Variants in SH3TC1 observed in about 807,000 individuals in gnomAD.
SH3TC1 encodes SH3 domain and tetratricopeptide repeats 1.
Under a neutral mutation model 117.3 loss-of-function variants are expected in SH3TC1, and 135 were observed. The ratio of observed to expected loss-of-function variants is 1.15; its 90% CI spans 1.00 to 1.33. The LOEUF is 1.33. Ranked by LOEUF, SH3TC1 falls within the 40% of genes most tolerant of loss-of-function variation. The pLI, the probability that SH3TC1 is intolerant of heterozygous loss-of-function variation, is 0.00. For missense variants in SH3TC1, 2,092 were observed against 1,794.3 expected (o/e 1.17, Z -3.00); for synonymous variants, 898 against 816.9 (o/e 1.10, Z -1.69).
At position 8,183,436 on chromosome 4, in the gene SH3TC1, C is replaced by T. The variant is rs1043888872; in HGVS notation, c.-57+1226C>T. 2.0e-5 allele frequency among the ~76,000 whole-genome samples: 3 copies of T among 152,162 alleles called. No individual in the cohort carries two copies. The highest frequency in any genetic ancestry group is 2.4e-5 in the African/African-American group (1 of 41,446). On this transcript the variant is annotated intron_variant, in intron 1 of 16. Transcript: ENST00000508641. The surrounding 1 kb of genome is among the most constrained non-coding windows in gnomAD (Gnocchi z 5.4). ...TCACTCCCTGTACAGTAGAGGGAGGCGTGGCCCAGGGAGGCTCCCGGGCTG... is the reference window on the plus strand; with the variant it reads ...TCACTCCCTGTACAGTAGAGGGAGGTGTGGCCCAGGGAGGCTCCCGGGCTG...
chr4:8,222,339 C>T (rs1719995061), intron 9 of SH3TC1, among the ~76,000 whole-genome samples: 1 of 145,006 alleles, frequency 6.9e-6, no homozygotes, highest in Non-Finnish European at 1.5e-5. Context: ...CCAGACAAGG[C>T]ACCCCTTGAG....
At chr4:8,226,862 T>A in intron 11 of SH3TC1, 118 bp from the exon 12 acceptor site, 1 of 631,924 alleles carries the variant, frequency 1.6e-6, no homozygotes, top group Non-Finnish European at 2.5e-6. Context: ...TAGGGTGGTA[T>A]CGTCTGGAAA....
At chr4:8,214,133 G>A (rs940976922) in intron 4 of SH3TC1, among the ~76,000 whole-genome samples, 2 of 152,238 alleles carry the variant, frequency 1.3e-5, no homozygotes, top group East Asian at 1.9e-4. Context: ...GAGCACAGCC[G>A]AACAGGGACC....
intron 10 of SH3TC1, among the ~76,000 whole-genome samples, chr4:8,224,012 ACT>A (rs111419529): frequency 1.3e-5 from 2 of 149,600 alleles, no homozygotes; most frequent in African/African-American, 5.0e-5. Context: ...GTAAATACAC[ACT>A]GTGTGCATGC....
rs1578741857 is a variant in SH3TC1, at chr4:8,232,972, A to T, written c.3132-391A>T. The T allele has an allele frequency of 2.5e-6, 3 of 1,195,172 alleles. No homozygotes were observed. The African/African-American group carries it at 4.8e-5, about 19-fold the overall frequency. The allele number at this position is 1,195,172 out of a possible 1,614,324, so 74.0% of individuals were successfully genotyped here. A position where few individuals can be genotyped will look rare whatever the true frequency, so the allele number is the denominator to read the frequency against. On this transcript the variant is annotated intron_variant, in intron 13 of 17. Transcript: ENST00000245105. ...GAGCCAGAAGCTCTGGGGGCAGGCCAGCAAGCTATATGGACAGGCCTCTGG... is the reference window on the plus strand; with the variant it reads ...GAGCCAGAAGCTCTGGGGGCAGGCCTGCAAGCTATATGGACAGGCCTCTGG...
chr4:8,189,271 C>T (rs776867432), intron 1 of SH3TC1, among the ~76,000 whole-genome samples: 22 of 152,342 alleles, frequency 1.4e-4, no homozygotes, highest in Non-Finnish European at 2.8e-4. Flanking sequence ...CCGCCAGTCT[C>T]CTCGCTGGAG....
intron 9 of SH3TC1, among the ~76,000 whole-genome samples, chr4:8,220,347 G>T (rs1488944894): frequency 6.6e-6 from 1 of 151,850 alleles, no homozygotes; most frequent in Non-Finnish European, 1.5e-5. Context: ...CCTGAACCCC[G>T]TGTTCTCCTG....
In SH3TC1 at chr4:8,240,842, T is replaced by C; in HGVS notation, c.3898T>C (p.Phe1300Leu). Residue 1300 changes from phenylalanine to leucine, a missense_variant, in exon 18 of 18, where the codon TTC becomes CTC. Physicochemically the swap from Phe to Leu is conservative, Grantham distance 22. Transcript: ENST00000245105. ...FLLDREKSLF[F>L]YQKARTFATE... ...CCTGGACCGTGAGAAGTCGCTCTTC[T>C]TCTACCAGAAGGCCAGGACCTTCGC... is the stretch of plus-strand genomic sequence containing the variant. The C allele has an allele frequency of 6.2e-7, 1 of 1,614,036 alleles. No individual in the cohort carries two copies. The highest frequency in any genetic ancestry group is 2.2e-5 in the East Asian group (1 of 44,880).
chr4:8,229,582 G>A (rs1314673206), intron 12 of SH3TC1, among the ~76,000 whole-genome samples: 2 of 151,790 alleles, frequency 1.3e-5, no homozygotes, highest in South Asian at 2.1e-4. Flanking sequence ...TGCAGAGTTG[G>A]GCGTGGGTTG....
intron 17 of SH3TC1, among the ~76,000 whole-genome samples, chr4:8,240,089 G>A (rs1443443702): frequency 6.6e-6 from 1 of 152,178 alleles, no homozygotes. Flanking sequence ...GGAGGTGCCT[G>A]GGGAGAAGCT....
chr4:8,189,243 G>A (rs922188265), intron 1 of SH3TC1, among the ~76,000 whole-genome samples: 5 of 152,380 alleles, frequency 3.3e-5, no homozygotes, highest in Admixed American at 3.3e-4. Flanking sequence ...TGGGCACGTG[G>A]CCCACAGAGA....
chr4:8,209,922 C>A lies in SH3TC1; in HGVS notation c.247+100C>A. 8.6e-7 allele frequency: 1 copy of A among 1,167,008 alleles called. No homozygotes were observed. Among genetic ancestry groups the A allele is most frequent in the Non-Finnish European group, 1.2e-6 (1 of 819,294 alleles). The allele number at this position is 1,167,008 out of a possible 1,614,324, so 72.3% of individuals were successfully genotyped here. A position where few individuals can be genotyped will look rare whatever the true frequency, so the allele number is the denominator to read the frequency against. Reference sequence around the variant, plus strand: ...CAACCCAGGGCTTCTCAAAGTGTGGCCTCAGACTTCCCACCTTAAAATCAT... The same window carrying A: ...CAACCCAGGGCTTCTCAAAGTGTGGACTCAGACTTCCCACCTTAAAATCAT... On this transcript the variant is annotated intron_variant, in intron 3 of 17. Coordinates refer to ENST00000245105, the MANE Select transcript of SH3TC1 (RefSeq NM_018986.5). The surrounding 1 kb of genome is among the most constrained non-coding windows in gnomAD (Gnocchi z 5.9).
chr4:8,240,921 GGGCCCCCTGGTT>G lies in SH3TC1; in HGVS notation c.3985_3996del (p.Trp1329_Pro1332del), dbSNP rs1722283155. 6.2e-7 allele frequency: 1 copy of G among 1,612,170 alleles called. No homozygotes were observed. The highest frequency in any genetic ancestry group is 1.7e-5 in the Admixed American group (1 of 59,992). Reference sequence around the variant, plus strand: ...CTGCCTCCTCTGCCACTCTGCGGGTGGGCCCCCTGGTTGGCCCCCAGCCACCCTCGCTGAGGA... The same window carrying G: ...CTGCCTCCTCTGCCACTCTGCGGGTGGGCCCCCAGCCACCCTCGCTGAGGA... On this transcript the variant is annotated inframe_deletion, in exon 18 of 18. Transcript: ENST00000245105.
Position 8,216,991 on chromosome 4 carries a change from G to A in SH3TC1, c.663G>A (p.Val221=). 1 of 1,614,026 alleles carries A rather than the reference G, an allele frequency of 6.2e-7. No individual in the cohort carries two copies. Among genetic ancestry groups the A allele is most frequent in the South Asian group, 1.1e-5 (1 of 91,072 alleles). The change falls in exon 7 of 18, where the codon GTG becomes GTA. Residue 221 remains valine (V), a synonymous_variant. Transcript: ENST00000245105. The part of the protein sequence containing the change: ...PFFVLCPDHH[V]RVMTGPRDAG... ...TTGTCCTGTGTCCTGACCACCATGTGAGAGTGATGACGGGTCCCCGGGATG... is the reference window on the plus strand; with the variant it reads ...TTGTCCTGTGTCCTGACCACCATGTAAGAGTGATGACGGGTCCCCGGGATG...
intron 13 of SH3TC1, 26 bp from the exon 14 acceptor site, chr4:8,233,337 G>T (rs762681482): frequency 1.3e-6 from 2 of 1,586,148 alleles, no homozygotes; most frequent in South Asian, 1.2e-5. Context: ...GACAGCCCTT[G>T]TTCTGACACC....
In SH3TC1 at chr4:8,207,183, A is replaced by G. The variant is rs34403481; in HGVS notation, c.172+1817A>G. On this transcript the variant is annotated intron_variant, in intron 2 of 17. Transcript: ENST00000245105. ...TGGAGGCTGCTGTTTTGAAGGATAC[A>G]GTTTGGATCTTTTGTAGAATGTCCC... Among the ~76,000 whole-genome samples the G allele has an allele frequency of 8.5e-4, 129 of 152,018 alleles. 1 individual carries two copies. Among genetic ancestry groups the G allele is most frequent in the Non-Finnish European group, 1.6e-3 (110 of 68,008 alleles).
intron 1 of SH3TC1, among the ~76,000 whole-genome samples, chr4:8,193,733 G>T (rs1717480548): frequency 6.6e-6 from 1 of 152,150 alleles, no homozygotes; most frequent in African/African-American, 2.4e-5. Context: ...GCCAGTGGCA[G>T]GTGGGGCTCC....
intron 4 of SH3TC1, 94 bp from the exon 5 acceptor site, chr4:8,214,381 T>G: frequency 2.5e-6 from 3 of 1,189,328 alleles, no homozygotes; most frequent in Non-Finnish European, 3.7e-6. Context: ...CGGGGCCACA[T>G]CTGCAAGATG....
At chr4:8,182,089 T>G (rs973209574) in exon 1 of SH3TC1, 4 of 152,338 alleles carry the variant, frequency 2.6e-5, no homozygotes, top group Admixed American at 6.5e-5. Context: ...ATGTGCACCT[T>G]CTTGCCTGGA....
Sources: allele counts gnomAD v4.1 joint callset (sites outside exome capture counted in the v4.1 genomes callset), GRCh38; gene constraint gnomAD v4.1.1; non-coding constraint Gnocchi (gnomAD v3.1); transcripts MANE v1.5; gene names NCBI Gene and HGNC (gene_info 2026-07-23, HGNC 2026-07-21).